SNX6: variants seen among roughly 807,000 people sequenced by gnomAD.
SNX6 encodes the protein sorting nexin 6.
In SNX6, 34 loss-of-function variants were observed where a neutral mutation model predicts 63.0. That is an observed-to-expected ratio of 0.54 (90% CI 0.41 to 0.72). SNX6 has a LOEUF of 0.72. Ranked by LOEUF, SNX6 falls within the 30% of genes least tolerant of loss-of-function variation. SNX6 has a pLI of 0.00. For missense variants in SNX6, 398 were observed against 471.4 expected (o/e 0.84, Z 1.44); for synonymous variants, 170 against 164.2 (o/e 1.04, Z -0.27).
chr14:34,614,169 A>G (rs952462504), intron 2 of SNX6, among the ~76,000 whole-genome samples: 2 of 151,826 alleles, frequency 1.3e-5, no homozygotes, highest in Non-Finnish European at 2.9e-5. Flanking sequence ...GCTCACACCT[A>G]TAATATTAAC....
chr14:34,614,000 C>T (rs755257720), intron 2 of SNX6, among the ~76,000 whole-genome samples: 1 of 151,378 alleles, frequency 6.6e-6, no homozygotes, highest in Admixed American at 6.6e-5. Context: ...CCCAGCTACT[C>T]GGGAGGCTGA....
At chr14:34,593,645 C>CA in intron 7 of SNX6, among the ~76,000 whole-genome samples, 1 of 151,472 alleles carries the variant, frequency 6.6e-6, no homozygotes, top group Non-Finnish European at 1.5e-5. Flanking sequence ...GATCTTGGCT[C>CA]ACTGCAACCT....
chr14:34,574,073 C>T (rs1293264451), intron 11 of SNX6, among the ~76,000 whole-genome samples: 2 of 151,816 alleles, frequency 1.3e-5, no homozygotes, highest in Non-Finnish European at 2.9e-5. Context: ...TGTGGTAGCT[C>T]ATGCCTGTAA....
At chr14:34,625,454 C>T (rs765219771) in intron 2 of SNX6, among the ~76,000 whole-genome samples, 25 of 151,540 alleles carry the variant, frequency 1.6e-4, no homozygotes, top group African/African-American at 2.7e-4. Context: ...AGTTATCGGC[C>T]GGGCGCGGTG....
chr14:34,628,838 A>T (rs1361674597), intron 2 of SNX6, among the ~76,000 whole-genome samples: 1 of 152,132 alleles, frequency 6.6e-6, no homozygotes, highest in African/African-American at 2.4e-5. Context: ...GAACCATGGA[A>T]CCTTGCTGAA....
At chr14:34,610,115 G>A (rs918520659) in intron 2 of SNX6, among the ~76,000 whole-genome samples, 2 of 151,678 alleles carry the variant, frequency 1.3e-5, no homozygotes, top group Admixed American at 6.6e-5. Flanking sequence ...AGGCTGAAGC[G>A]GGAGGACTGA....
intron 2 of SNX6, among the ~76,000 whole-genome samples, chr14:34,616,392 CAG>C (rs779897256): frequency 3.9e-5 from 6 of 152,040 alleles, no homozygotes; most frequent in Non-Finnish European, 5.9e-5. Flanking sequence ...TTTAAAGAGA[CAG>C]AGTCTTGCAC....
chr14:34,602,110 T>C (rs1352681227), intron 6 of SNX6, among the ~76,000 whole-genome samples: 1 of 148,534 alleles, frequency 6.7e-6, no homozygotes, highest in Non-Finnish European at 1.5e-5. Context: ...GCCAACATGG[T>C]GAAACTCCAT....
At chr14:34,576,776 C>T (rs1881726455) in intron 10 of SNX6, among the ~76,000 whole-genome samples, 1 of 151,688 alleles carries the variant, frequency 6.6e-6, no homozygotes. Flanking sequence ...TCAATATGAT[C>T]TTTTACCTTC....
intron 13 of SNX6, among the ~76,000 whole-genome samples, chr14:34,567,281 T>G (rs1881229225): frequency 6.6e-6 from 1 of 151,418 alleles, no homozygotes; most frequent in African/African-American, 2.4e-5. Flanking sequence ...GAGGACGGGA[T>G]TTCGAGATAA....
chr14:34,586,845 T>G (rs566095321), intron 8 of SNX6, among the ~76,000 whole-genome samples: 1 of 151,306 alleles, frequency 6.6e-6, no homozygotes, highest in Non-Finnish European at 1.5e-5. Flanking sequence ...CCGTCTCTAC[T>G]AAAAATACAA....
chr14:34,606,318 G>A (rs978377649), intron 4 of SNX6, among the ~76,000 whole-genome samples: 7 of 150,672 alleles, frequency 4.6e-5, no homozygotes, highest in Non-Finnish European at 7.4e-5. Context: ...ACGGGGTTTC[G>A]CCATGTTGGC....
At chr14:34,611,578 T>C (rs1325770748) in intron 2 of SNX6, among the ~76,000 whole-genome samples, 4 of 150,678 alleles carry the variant, frequency 2.7e-5, no homozygotes, top group Admixed American at 6.6e-5. Context: ...GGTCAAGAGA[T>C]TGAGACCATA....
At chr14:34,629,498 G>A (rs1255602631) in intron 2 of SNX6, 2 of 487,528 alleles carry the variant, frequency 4.1e-6, no homozygotes, top group Non-Finnish European at 8.1e-6. Context: ...GCGGGAGCAA[G>A]TTCGAGATGT....
At chr14:34,583,758 C>T (rs1167150413) in intron 9 of SNX6, among the ~76,000 whole-genome samples, 1 of 151,982 alleles carries the variant, frequency 6.6e-6, no homozygotes, top group Non-Finnish European at 1.5e-5. Flanking sequence ...CTCAAAAGAA[C>T]TTGCTTTGAC....
intron 4 of SNX6, among the ~76,000 whole-genome samples, chr14:34,606,303 T>C (rs1479787162): frequency 2.0e-5 from 3 of 151,320 alleles, no homozygotes; most frequent in African/African-American, 7.3e-5. Context: ...GTATTTTTGG[T>C]AGAGACGGGG....
Position 34,567,926 on chromosome 14 carries a change from C to T in SNX6, c.1009G>A (p.Val337Ile). The T allele has an allele frequency of 6.2e-7, 1 of 1,613,554 alleles. No individual in the cohort carries two copies. The highest frequency in any genetic ancestry group is 8.5e-7 in the Non-Finnish European group (1 of 1,180,016). The part of the protein sequence containing the change: ...LDKARAKNKD[V>I]LQAETSQQLC... Reference sequence around the variant, plus strand: ...TGTTGGGAAGTTTCGGCCTGTAGAACATCTTTATTTTTTGCTCTTGCTTTA... The same window carrying T: ...TGTTGGGAAGTTTCGGCCTGTAGAATATCTTTATTTTTTGCTCTTGCTTTA... Residue 337 changes from valine to isoleucine, a missense_variant, in exon 12 of 14, where the codon GTT (valine) becomes ATT (isoleucine). By Grantham distance (29) the Val-to-Ile change is conservative. Transcript: ENST00000362031.
In SNX6 at chr14:34,562,460, C is replaced by G. The variant is rs970292572; in HGVS notation, c.*662G>C. The G allele has an allele frequency of 2.0e-5, 3 of 152,606 alleles. No individual in the cohort carries two copies. Among genetic ancestry groups the G allele is most frequent in the African/African-American group, 7.2e-5 (3 of 41,444 alleles). 9.5% of individuals were successfully genotyped at this position (152,606 alleles called of 1,614,324 possible). On this transcript the variant is annotated 3_prime_UTR_variant, in exon 14 of 14. Transcript: ENST00000362031. Reference sequence around the variant, plus strand: ...CTACTCCACATTTTCCAGAGTGATACAATGACCATAGAGTTAAAAACTATC... The same window carrying G: ...CTACTCCACATTTTCCAGAGTGATAGAATGACCATAGAGTTAAAAACTATC...
chr14:34,630,010 A>G, intron 1 of SNX6, 56 bp from the exon 2 acceptor site: 1 of 1,497,420 alleles, frequency 6.7e-7, no homozygotes, highest in Middle Eastern at 1.8e-4. Context: ...GGGGAGACAC[A>G]AAGGGAGACA....
Sources: gnomAD v4.1 joint callset for allele counts (sites outside exome capture counted in the v4.1 genomes callset) on GRCh38, gnomAD v4.1.1 for gene constraint, MANE v1.5 for transcripts, NCBI Gene and HGNC (gene_info 2026-07-23, HGNC 2026-07-21) for gene names.